The following VRK2 variants were observed in gnomAD, a reference collection of about 807,000 sequenced individuals.
VRK2 encodes VRK serine/threonine kinase 2.
A neutral mutation model predicts 57.6 loss-of-function variants in VRK2; 60 were observed. The observed-to-expected ratio is 1.04, with a 90% confidence interval of 0.85 to 1.29. VRK2 has a LOEUF of 1.29. Among genes scored for constraint, VRK2 ranks in the 50% most tolerant of loss-of-function variants. The pLI is 0.00. For synonymous variants in VRK2, 231 were observed against 199.2 expected (o/e 1.16, Z -1.35); for missense variants, 705 against 588.1 (o/e 1.20, Z -2.06).
chr2:57,974,974 T>C (rs1672204987), intron 1 of VRK2, among the ~76,000 whole-genome samples: 1 of 151,306 alleles, frequency 6.6e-6, no homozygotes, highest in African/African-American at 2.4e-5. Flanking sequence ...GCTATACAAA[T>C]TGATAAAGAT....
intron 1 of VRK2, among the ~76,000 whole-genome samples, chr2:58,024,706 G>A (rs527705201): frequency 6.6e-6 from 1 of 152,244 alleles, no homozygotes; most frequent in African/African-American, 2.4e-5. Flanking sequence ...AACCTCTTAA[G>A]ACATTTTATT....
At chr2:58,086,049 T>C (rs1244367953) in intron 4 of VRK2, among the ~76,000 whole-genome samples, 1 of 151,416 alleles carries the variant, frequency 6.6e-6, no homozygotes, top group East Asian at 1.9e-4. Context: ...ATTTAGCTAG[T>C]ATATAAGATA....
chr2:57,928,502 T>A (rs1452897141), intron 1 of VRK2, among the ~76,000 whole-genome samples: 2 of 152,148 alleles, frequency 1.3e-5, no homozygotes, highest in African/African-American at 4.8e-5. Flanking sequence ...GTTGGAAAGG[T>A]CATATATCTC....
intron 2 of VRK2, among the ~76,000 whole-genome samples, chr2:58,050,489 A>G (rs749291869): frequency 6.6e-6 from 1 of 152,238 alleles, no homozygotes; most frequent in Non-Finnish European, 1.5e-5. Context: ...ATAGTGTTGA[A>G]TAAATTATTT....
chr2:57,958,293 C>G (rs1241023664), intron 1 of VRK2, among the ~76,000 whole-genome samples: 1 of 151,996 alleles, frequency 6.6e-6, no homozygotes, highest in Non-Finnish European at 1.5e-5. Flanking sequence ...CTTCATTGTA[C>G]TTCTTTCCAG....
chr2:58,064,722 C>T (rs996318752), intron 2 of VRK2, among the ~76,000 whole-genome samples: 2 of 151,764 alleles, frequency 1.3e-5, no homozygotes, highest in African/African-American at 4.8e-5. Flanking sequence ...ACTGATTGTG[C>T]TATAATAATA....
intron 1 of VRK2, among the ~76,000 whole-genome samples, chr2:57,967,924 T>C (rs1036772648): frequency 6.6e-6 from 1 of 151,796 alleles, no homozygotes; most frequent in African/African-American, 2.4e-5. Context: ...AAACAACAAA[T>C]ACAAAACTTA....
At chr2:57,921,317 C>T (rs1251690216) in intron 1 of VRK2, among the ~76,000 whole-genome samples, 1 of 151,834 alleles carries the variant, frequency 6.6e-6, no homozygotes, top group Non-Finnish European at 1.5e-5. Flanking sequence ...CACACTCACA[C>T]ACACACACAT....
chr2:58,033,327 A>G (rs967939189), exon 3 of VRK2: 5 of 152,040 alleles, frequency 3.3e-5, no homozygotes, highest in African/African-American at 1.2e-4. Context: ...GGTGGGCACA[A>G]TGTAATCACA....
At chr2:58,128,907 A>G (rs1468434525) in intron 8 of VRK2, among the ~76,000 whole-genome samples, 1 of 152,162 alleles carries the variant, frequency 6.6e-6, no homozygotes, top group Non-Finnish European at 1.5e-5. Context: ...ACTATCAGCC[A>G]TTTCTAAAAT....
intron 1 of VRK2, among the ~76,000 whole-genome samples, chr2:57,958,372 T>A (rs1356263454): frequency 1.3e-5 from 2 of 151,900 alleles, no homozygotes; most frequent in African/African-American, 4.8e-5. Context: ...CCAGTTAATT[T>A]GACAGCTACC....
At chr2:58,112,619 G>A (rs902094730) in intron 7 of VRK2, among the ~76,000 whole-genome samples, 2 of 151,588 alleles carry the variant, frequency 1.3e-5, no homozygotes, top group African/African-American at 4.9e-5. Flanking sequence ...ACATGGACAC[G>A]GGAGTCCTGA....
chr2:58,120,958 A>G (rs1474014009), intron 7 of VRK2, among the ~76,000 whole-genome samples: 1 of 152,152 alleles, frequency 6.6e-6, no homozygotes, highest in Non-Finnish European at 1.5e-5. Context: ...TCTCATCTAT[A>G]TTGCACTCGC....
chr2:58,028,073 C>A (rs528887384), intron 2 of VRK2, among the ~76,000 whole-genome samples: 1 of 152,224 alleles, frequency 6.6e-6, no homozygotes, highest in South Asian at 2.1e-4. Flanking sequence ...TCAAACAATC[C>A]CTTAATCTAG....
At chr2:57,979,661 G>A (rs1672361745) in intron 1 of VRK2, among the ~76,000 whole-genome samples, 1 of 152,082 alleles carries the variant, frequency 6.6e-6, no homozygotes, top group Non-Finnish European at 1.5e-5. Context: ...TTGTGAATAT[G>A]TCTGGTCCAG....
intron 1 of VRK2, among the ~76,000 whole-genome samples, chr2:57,911,729 G>A (rs1669991695): frequency 1.3e-5 from 2 of 152,184 alleles, no homozygotes; most frequent in Non-Finnish European, 1.5e-5. Flanking sequence ...TATAATTGGG[G>A]ATTCCGTGAA....
rs1368731595 is a variant in VRK2 at position 57,958,427 on chromosome 2, GTATATACATGTATATATATTTGTATA to G, written c.-439+50607_-439+50632del. ...TGTGTGTATGTGTGTGTGTGTGTGT[GTATATACATGTATATATATTTGTATA>G]TATATACATGTATATATACACACAC... On this transcript the variant is annotated intron_variant, in intron 1 of 15. Transcript: ENST00000417641. Among the ~76,000 whole-genome samples, 6 of 149,930 alleles carry G rather than the reference GTATATACATGTATATATATTTGTATA, an allele frequency of 4.0e-5. No individual in the cohort carries two copies. In the South Asian group the frequency reaches 6.3e-4, roughly 16 times the overall value.
At chr2:58,064,842 A>G (rs980050593) in intron 2 of VRK2, among the ~76,000 whole-genome samples, 1 of 152,138 alleles carries the variant, frequency 6.6e-6, no homozygotes, top group African/African-American at 2.4e-5. Context: ...TTTTAAAAAT[A>G]TGTGTGATTA....
chr2:58,117,698 A>C (rs990899816), intron 7 of VRK2, among the ~76,000 whole-genome samples: 9 of 152,154 alleles, frequency 5.9e-5, no homozygotes, highest in African/African-American at 2.2e-4. Context: ...AAAAATTGAA[A>C]GTGCCATTTT....
Sources: allele counts gnomAD v4.1 joint callset (sites outside exome capture counted in the v4.1 genomes callset), GRCh38; gene constraint gnomAD v4.1.1; transcripts MANE v1.5; gene names NCBI Gene and HGNC (gene_info 2026-07-23, HGNC 2026-07-21).